The following TEX2 variants were observed in gnomAD, a reference collection of about 807,000 sequenced individuals.
The protein encoded by TEX2 is testis-expressed protein 2.
TEX2 carries 53 observed loss-of-function variants against 106.9 expected under a neutral mutation model. The observed-to-expected ratio is 0.50, with a 90% CI of 0.40 to 0.62. The LOEUF (loss-of-function observed/expected upper bound fraction) is 0.62, where lower values mean the gene tolerates loss of function less well. Among genes scored for constraint, TEX2 ranks in the 20% least tolerant of loss-of-function variants. The pLI is 0.00. For synonymous variants in TEX2, 523 were observed against 534.8 expected (o/e 0.98, Z 0.30); for missense variants, 1,207 against 1,379.0 (o/e 0.88, Z 1.98).
At chr17:64,199,297 C>T (rs1487034025) in intron 2 of TEX2, among the ~76,000 whole-genome samples, 1 of 152,100 alleles carries the variant, frequency 6.6e-6, no homozygotes, top group East Asian at 1.9e-4. Context: ...AGTGCAGTGG[C>T]GTTACCTTGG....
chr17:64,147,549 T>C lies in TEX2; in HGVS notation c.*1420A>G, dbSNP rs574672527. 1 of 152,652 alleles carries C rather than the reference T, an allele frequency of 6.6e-6. No homozygotes were observed. The highest frequency in any genetic ancestry group is 1.9e-4 in the East Asian group (1 of 5,194). The allele number at this position is 152,652 out of a possible 1,614,324, so 9.5% of individuals were successfully genotyped here. ...AGTCATGTGTAATCTCTTTACACGA[T>C]AGTGCATCTAGTCCTTAGCCTTTAG... On this transcript the variant is annotated 3_prime_UTR_variant, in exon 12 of 12. Coordinates refer to ENST00000584379, the MANE Select transcript of TEX2 (RefSeq NM_001288732.2).
At chr17:64,204,778 G>C (rs1261697862) in intron 2 of TEX2, among the ~76,000 whole-genome samples, 1 of 152,076 alleles carries the variant, frequency 6.6e-6, no homozygotes, top group African/African-American at 2.4e-5. Flanking sequence ...CGATGTTTTT[G>C]CTACTTTTCT....
At chr17:64,209,458 A>G (rs929305804) in intron 2 of TEX2, among the ~76,000 whole-genome samples, 5 of 152,244 alleles carry the variant, frequency 3.3e-5, no homozygotes, top group African/African-American at 1.2e-4. Context: ...AAACAAGTTA[A>G]GGCTAAGAAT....
intron 2 of TEX2, among the ~76,000 whole-genome samples, chr17:64,210,143 T>C (rs950822827): frequency 1.3e-5 from 2 of 152,230 alleles, no homozygotes; most frequent in Admixed American, 6.5e-5. Flanking sequence ...ACGAACTTAC[T>C]TGGAGAGCAC....
Position 64,217,439 on chromosome 17 carries a change from T to C in TEX2, c.-25-3197A>G, listed in dbSNP as rs2033218645. On this transcript the variant is annotated intron_variant, in intron 1 of 11. Coordinates refer to ENST00000584379, the MANE Select transcript of TEX2 (RefSeq NM_001288732.2). The surrounding 1 kb of genome is among the most constrained non-coding windows in gnomAD (Gnocchi z 4.3). ...TGGGCTTCCTGACACTGAGGCCCGATGCCCGGCAGGGTGCCTTTTCAAACA... is the reference window on the plus strand; with the variant it reads ...TGGGCTTCCTGACACTGAGGCCCGACGCCCGGCAGGGTGCCTTTTCAAACA... Among the ~76,000 whole-genome samples the C allele has an allele frequency of 1.3e-5, 2 of 152,228 alleles. No individual in the cohort carries two copies. Among genetic ancestry groups the C allele is most frequent in the South Asian group, 4.1e-4 (2 of 4,830 alleles).
At chr17:64,240,561 C>T (rs1555635642) in intron 1 of TEX2, among the ~76,000 whole-genome samples, 1 of 152,188 alleles carries the variant, frequency 6.6e-6, no homozygotes, top group Non-Finnish European at 1.5e-5. Context: ...CTCTGCCCCT[C>T]ACCAGCTGTG....
At position 64,217,306 on chromosome 17, in the gene TEX2, G is replaced by A. The variant is rs767790096; in HGVS notation, c.-25-3064C>T. Among the ~76,000 whole-genome samples the A allele has an allele frequency of 3.4e-4, 52 of 152,210 alleles. No homozygotes were observed. Among genetic ancestry groups the A allele is most frequent in the Non-Finnish European group, 5.6e-4 (38 of 68,008 alleles). On this transcript the variant is annotated intron_variant, in intron 1 of 11. Transcript: ENST00000584379. This position sits in a 1 kb window ranked among gnomAD's most constrained non-coding sequence, Gnocchi z 4.3. ...GCTGGCTGCTAAGGCCAACTGAGCC[G>A]ACCCTCCCACAGCCACAGCCATGCA...
chr17:64,222,199 G>A (rs1367034614), intron 1 of TEX2, among the ~76,000 whole-genome samples: 2 of 152,146 alleles, frequency 1.3e-5, no homozygotes, highest in East Asian at 3.9e-4. Flanking sequence ...TTGAAGGCCA[G>A]TATATGTGCA....
chr17:64,164,754 T>C (rs1382444355), intron 7 of TEX2, among the ~76,000 whole-genome samples: 2 of 152,318 alleles, frequency 1.3e-5, no homozygotes, highest in East Asian at 3.9e-4. Context: ...GCTCAGACCA[T>C]GATGCCAGTT....
intron 1 of TEX2, among the ~76,000 whole-genome samples, chr17:64,235,266 G>A (rs2033742467): frequency 6.6e-6 from 1 of 152,224 alleles, no homozygotes; most frequent in Non-Finnish European, 1.5e-5. Flanking sequence ...CTACTAACTA[G>A]CAGAGCTAGG....
intron 5 of TEX2, among the ~76,000 whole-genome samples, chr17:64,180,774 G>A (rs2031821821): frequency 1.3e-5 from 2 of 152,192 alleles, no homozygotes; most frequent in African/African-American, 2.4e-5. Context: ...TCAAAACTGC[G>A]TCACTCTTGG....
chr17:64,148,757 C>G lies in TEX2; in HGVS notation c.*212G>C. 1.8e-6 allele frequency: 1 copy of G among 558,850 alleles called. No homozygotes were observed. Among genetic ancestry groups the G allele is most frequent in the Non-Finnish European group, 3.1e-6 (1 of 326,824 alleles). The allele number at this position is 558,850 out of a possible 1,614,324, so 34.6% of individuals were successfully genotyped here. On this transcript the variant is annotated 3_prime_UTR_variant, in exon 12 of 12. Coordinates refer to ENST00000584379, the MANE Select transcript of TEX2 (RefSeq NM_001288732.2). ...TCTTCCATGGTCTCCTTTGCCAAAT[C>G]AAAGCTTTGCAGCAGGCAATCCAGA...
intron 8 of TEX2, chr17:64,155,308 G>A (rs2030568461): frequency 5.0e-6 from 1 of 200,152 alleles, no homozygotes; most frequent in Admixed American, 6.0e-5. Flanking sequence ...CAGCAGTGCA[G>A]CGGAGCCACA....
At chr17:64,155,069 C>A in intron 8 of TEX2, 102 bp from the exon 9 acceptor site, 1 of 1,328,296 alleles carries the variant, frequency 7.5e-7, no homozygotes, top group South Asian at 1.8e-5. Context: ...ACAACAGGGT[C>A]GGGATGTAAC....
At chr17:64,224,783 G>A (rs1889174249) in intron 1 of TEX2, among the ~76,000 whole-genome samples, 1 of 151,874 alleles carries the variant, frequency 6.6e-6, no homozygotes, top group African/African-American at 2.4e-5. Flanking sequence ...AGGAAAGGGG[G>A]GTTCGAAAGC....
At chr17:64,189,780 G>A (rs1244921104) in intron 4 of TEX2, among the ~76,000 whole-genome samples, 1 of 151,970 alleles carries the variant, frequency 6.6e-6, no homozygotes, top group South Asian at 2.1e-4. Flanking sequence ...TCAGGAGTTC[G>A]AGACCAGCCT....
chr17:64,171,349 A>C (rs1461121816), intron 6 of TEX2, 150 bp from the exon 7 acceptor site: 10 of 661,930 alleles, frequency 1.5e-5, no homozygotes. Context: ...CACATCATGT[A>C]CTAGGCTTCG....
chr17:64,183,337 G>A (rs1399013791), intron 5 of TEX2, among the ~76,000 whole-genome samples: 1 of 152,220 alleles, frequency 6.6e-6, no homozygotes, highest in Admixed American at 6.5e-5. Context: ...TGGTGACTCT[G>A]TTTAACTTTT....
chr17:64,237,078 C>T (rs1555635205), intron 1 of TEX2, among the ~76,000 whole-genome samples: 1 of 152,214 alleles, frequency 6.6e-6, no homozygotes, highest in Non-Finnish European at 1.5e-5. Context: ...ACCAAGAGAT[C>T]ACAGTCAGCA....
Sources: gnomAD v4.1 joint callset for allele counts (sites outside exome capture counted in the v4.1 genomes callset) on GRCh38, gnomAD v4.1.1 for gene constraint, Gnocchi (gnomAD v3.1) non-coding constraint, MANE v1.5 for transcripts, NCBI Gene and HGNC (gene_info 2026-07-23, HGNC 2026-07-21) for gene names.